PLEKHA3: variants seen among roughly 807,000 people sequenced by gnomAD.
PLEKHA3 encodes pleckstrin homology domain containing A3, also known as pleckstrin homology domain-containing family A member 3.
PLEKHA3 carries 19 observed loss-of-function variants against 39.2 expected under a neutral mutation model. That is an observed-to-expected ratio of 0.48 (90% CI 0.34 to 0.71). The LOEUF (loss-of-function observed/expected upper bound fraction) is 0.71, where lower values mean the gene tolerates loss of function less well. Among genes scored for constraint, PLEKHA3 ranks in the 30% least tolerant of loss-of-function variants. The probability of loss-of-function intolerance (pLI) is 0.01; values close to 1 mark genes in which losing one functional copy is unlikely to be tolerated. For missense variants in PLEKHA3, 253 were observed against 359.5 expected, an observed-to-expected ratio of 0.70 and a Z score of 2.40; for synonymous variants, 97 against 118.6, an observed-to-expected ratio of 0.82 and a Z score of 1.18.
Position 178,499,236 on chromosome 2 carries a change from G to T in PLEKHA3, c.641G>T (p.Gly214Val). 2 of 1,610,316 alleles carry T rather than the reference G, an allele frequency of 1.2e-6. No individual in the cohort carries two copies. Among genetic ancestry groups the T allele is most frequent in the Non-Finnish European group, 1.7e-6 (2 of 1,178,500 alleles). The change falls in exon 6 of 8, where the codon GGT (glycine) becomes GTT (valine). Residue 214 changes from glycine (G) to valine (V), a missense_variant. By Grantham distance (109) the Gly-to-Val change is moderately radical (BLOSUM62 -3). This residue lies in a region of PLEKHA3 where 127 missense variants were observed against 136.8 expected (regional missense o/e 0.93). Transcript: ENST00000234453. ...ATGAAGCGTTCTGTCAGCCACCCTG[G>T]TTCTTGCAGTTCAGAGAGGTAAAAG... Reference protein sequence around the residue: ...QMMKRSVSHPGSCSSERSSHS... With the variant: ...QMMKRSVSHPVSCSSERSSHS...
intron 3 of PLEKHA3, among the ~76,000 whole-genome samples, chr2:178,492,305 T>G (rs1685360129): frequency 6.6e-6 from 1 of 151,918 alleles, no homozygotes; most frequent in Non-Finnish European, 1.5e-5. Flanking sequence ...GGAATGAATA[T>G]TCACAATAGC....
Position 178,501,154 on chromosome 2 carries a change from T to C in PLEKHA3, c.753T>C (p.Asp251=), listed in dbSNP as rs1391969550. ...RTYSDTDSCS[D]IPLEDPDRPV... ...ACTCAGATACAGATTCTTGTAGTGA[T>C]ATTCCTCTTGAAGACCCAGATAGTA... The change falls in exon 7 of 8, where the codon GAT becomes GAC. Residue 251 remains aspartate, a synonymous_variant. Transcript: ENST00000234453. 2 of 1,612,638 alleles carry C rather than the reference T, an allele frequency of 1.2e-6. No homozygotes were observed. The highest frequency in any genetic ancestry group is 3.3e-5 in the Admixed American group (2 of 59,892).
rs975086708 is a variant in PLEKHA3, at chr2:178,508,150, A to T, written c.*4263A>T. 1.3e-5 allele frequency: 2 copies of T among 150,560 alleles called. No individual in the cohort carries two copies. The highest frequency in any genetic ancestry group is 3.9e-4 in the East Asian group (2 of 5,100). The allele number at this position is 150,560 out of a possible 1,614,324, so 9.3% of individuals were successfully genotyped here. A position where few individuals can be genotyped will look rare whatever the true frequency, so the allele number is the denominator to read the frequency against. ...GTTCTATCTTTCTAGAATTTCTGTTATTTGAATGTTGGACCTCCCAGAGTT... is the reference window on the plus strand; with the variant it reads ...GTTCTATCTTTCTAGAATTTCTGTTTTTTGAATGTTGGACCTCCCAGAGTT... On this transcript the variant is annotated 3_prime_UTR_variant, in exon 8 of 8. Transcript: ENST00000234453.
rs1423377137 is a variant in PLEKHA3, at chr2:178,504,622, G to A, written c.*735G>A. 2 of 152,166 alleles carry A rather than the reference G, an allele frequency of 1.3e-5. No individual in the cohort carries two copies. Among genetic ancestry groups the A allele is most frequent in the African/African-American group, 4.8e-5 (2 of 41,422 alleles). 9.4% of individuals were successfully genotyped at this position (152,166 alleles called of 1,614,324 possible). ...ATACGTTGTTCTTTACGTTGTTCTAGAAAAGAGATTTTAATGCTGTAGTGA... is the reference window on the plus strand; with the variant it reads ...ATACGTTGTTCTTTACGTTGTTCTAAAAAAGAGATTTTAATGCTGTAGTGA... On this transcript the variant is annotated 3_prime_UTR_variant, in exon 8 of 8. Transcript: ENST00000234453.
rs1435383684 is a variant in PLEKHA3, at chr2:178,513,919, C to T, written c.*10032C>T. ...ATATCTTTTCAGTATTAGAACATTT[C>T]TGTTTATGCCCTATTCCAGTGGTAT... On this transcript the variant is annotated 3_prime_UTR_variant, in exon 8 of 8. Transcript: ENST00000234453. The T allele has an allele frequency of 6.6e-6, 1 of 152,052 alleles. No homozygotes were observed. Among genetic ancestry groups the T allele is most frequent in the Non-Finnish European group, 1.5e-5 (1 of 68,000 alleles). The allele number at this position is 152,052 out of a possible 1,614,324, so 9.4% of individuals were successfully genotyped here.
intron 1 of PLEKHA3, among the ~76,000 whole-genome samples, chr2:178,484,214 C>T (rs1414027909): frequency 6.6e-6 from 1 of 152,140 alleles, no homozygotes; most frequent in Non-Finnish European, 1.5e-5. Flanking sequence ...ATTCTAGTTG[C>T]TGGGAATGCA....
rs1685747126 is a variant in PLEKHA3, at chr2:178,515,384, A to G, written c.*11497A>G. ...GAGCTTTCCAATGTTGTCTATAATTAGCCAAAAAAAGACATATGAACTTTT... is the reference window on the plus strand; with the variant it reads ...GAGCTTTCCAATGTTGTCTATAATTGGCCAAAAAAAGACATATGAACTTTT... On this transcript the variant is annotated 3_prime_UTR_variant, in exon 8 of 8. Transcript: ENST00000234453. 6.6e-6 allele frequency: 1 copy of G among 152,142 alleles called. No homozygotes were observed. Among genetic ancestry groups the G allele is most frequent in the South Asian group, 2.1e-4 (1 of 4,828 alleles). 9.4% of individuals were successfully genotyped at this position (152,142 alleles called of 1,614,324 possible). A position where few individuals can be genotyped will look rare whatever the true frequency, so the allele number is the denominator to read the frequency against.
intron 3 of PLEKHA3, among the ~76,000 whole-genome samples, chr2:178,491,948 C>T (rs1163123546): frequency 6.6e-6 from 1 of 152,040 alleles, no homozygotes; most frequent in East Asian, 1.9e-4. Context: ...CTAATCTAGT[C>T]CCAAGAGGTT....
intron 2 of PLEKHA3, among the ~76,000 whole-genome samples, chr2:178,489,440 T>C (rs1161823898): frequency 1.3e-5 from 2 of 149,222 alleles, no homozygotes; most frequent in African/African-American, 5.0e-5. Context: ...TTGTTTTCTT[T>C]TCTTTTCCTT....
At chr2:178,499,957 C>T (rs895579676) in intron 6 of PLEKHA3, among the ~76,000 whole-genome samples, 3 of 152,114 alleles carry the variant, frequency 2.0e-5, no homozygotes, top group African/African-American at 7.2e-5. Flanking sequence ...ATAGCATCAT[C>T]TATTCATGCT....
At chr2:178,499,953 T>C (rs1163081785) in intron 6 of PLEKHA3, among the ~76,000 whole-genome samples, 1 of 152,132 alleles carries the variant, frequency 6.6e-6, no homozygotes, top group Non-Finnish European at 1.5e-5. Context: ...GTTTATAGCA[T>C]CATCTATTCA....
intron 5 of PLEKHA3, among the ~76,000 whole-genome samples, chr2:178,497,758 G>A (rs538417383): frequency 1.3e-5 from 2 of 152,120 alleles, no homozygotes; most frequent in East Asian, 1.9e-4. Context: ...ACTTTTTAGA[G>A]TCAAATGCAG....
chr2:178,496,572 G>A (rs984406729), intron 5 of PLEKHA3, among the ~76,000 whole-genome samples: 2 of 152,170 alleles, frequency 1.3e-5, no homozygotes, highest in African/African-American at 2.4e-5. Context: ...TTTCTAATCA[G>A]TATTTGATGG....
chr2:178,497,692 A>G (rs148296797), intron 5 of PLEKHA3, among the ~76,000 whole-genome samples: 169 of 152,280 alleles, frequency 1.1e-3, no homozygotes, highest in African/African-American at 3.6e-3. Context: ...ATGGATGTGT[A>G]GTGCTGTGTT....
At position 178,485,709 on chromosome 2, in the gene PLEKHA3, T is replaced by TGCAAAGGGA. The variant is rs1175359726; in HGVS notation, c.117_125dup (p.Lys41_Ser43dup). 1 of 1,613,838 alleles carries TGCAAAGGGA rather than the reference T, an allele frequency of 6.2e-7. No individual in the cohort carries two copies. The highest frequency in any genetic ancestry group is 8.5e-7 in the Non-Finnish European group (1 of 1,179,914). ...CTACTATGATTCACAAGATGATGTT[T>TGCAAAGGGA]GCAAAGGGAGCAAAGGAAGCATAAA... On this transcript the variant is annotated inframe_insertion, in exon 2 of 8. Transcript: ENST00000234453.
chr2:178,505,059 CATCAT>C lies in PLEKHA3; in HGVS notation c.*1175_*1179del, dbSNP rs1656128222. ...AATGCGTGGTTTTTGCATTCAAACA[CATCAT>C]ATAATACATTGTATTTTTTACATTC... is the stretch of plus-strand genomic sequence containing the variant. On this transcript the variant is annotated 3_prime_UTR_variant, in exon 8 of 8. Coordinates refer to ENST00000234453, the MANE Select transcript of PLEKHA3 (RefSeq NM_019091.4). 6.6e-6 allele frequency: 1 copy of C among 152,294 alleles called. No individual in the cohort carries two copies. The highest frequency in any genetic ancestry group is 1.5e-5 in the Non-Finnish European group (1 of 67,814). The allele number at this position is 152,294 out of a possible 1,614,324, so 9.4% of individuals were successfully genotyped here.
rs1445425452 is a variant in PLEKHA3 at position 178,485,674 on chromosome 2, G to C, written c.74G>C (p.Gly25Ala). The change falls in exon 2 of 8, where the codon GGA (glycine) becomes GCA (alanine). Residue 25 changes from glycine (G) to alanine (A), a missense_variant. Around this residue, in one of 2 missense-constraint regions of PLEKHA3, gnomAD observed 126 missense variants for 222.7 expected, o/e 0.57. Coordinates refer to ENST00000234453, the MANE Select transcript of PLEKHA3 (RefSeq NM_019091.4). ...WQPRWFVLDNGILSYYDSQDD... is the reference protein window; with the variant it reads ...WQPRWFVLDNAILSYYDSQDD... ...CCTCGTTGGTTTGTTTTAGATAATG[G>C]AATCTTATCCTACTATGATTCACAA... The C allele has an allele frequency of 6.2e-7, 1 of 1,613,642 alleles. No homozygotes were observed. The highest frequency in any genetic ancestry group is 1.7e-5 in the Admixed American group (1 of 60,014).
rs570081950 is a variant in PLEKHA3, at chr2:178,485,610, A to G, written c.41-31A>G. 7.9e-6 allele frequency: 11 copies of G among 1,392,704 alleles called. No homozygotes were observed. In the South Asian group the frequency reaches 1.2e-4, roughly 15 times the overall value. 86.3% of individuals were successfully genotyped at this position (1,392,704 alleles called of 1,614,324 possible). On this transcript the variant is annotated intron_variant, in intron 1 of 7. Coordinates refer to ENST00000234453, the MANE Select transcript of PLEKHA3 (RefSeq NM_019091.4). ...ATGTGGTGAAAGTAATGTGTTTCCA[A>G]TTGACCTTTTGTTATTTATGGTCTT...
Position 178,485,629 on chromosome 2 carries a change from TG to T in PLEKHA3, c.41-10del. ...TTTCCAATTGACCTTTTGTTATTTA[TG>T]GTCTTTTTAGGCTGGCAGCCTCGTT... On this transcript the variant is annotated splice_polypyrimidine_tract_variant and intron_variant, in intron 1 of 7. Coordinates refer to ENST00000234453, the MANE Select transcript of PLEKHA3 (RefSeq NM_019091.4). 6.4e-7 allele frequency: 1 copy of T among 1,552,558 alleles called. No homozygotes were observed. The highest frequency in any genetic ancestry group is 1.9e-4 in the Middle Eastern group (1 of 5,154).
Sources: gnomAD v4.1 joint callset for allele counts (sites outside exome capture counted in the v4.1 genomes callset) on GRCh38, gnomAD v4.1.1 for gene constraint, gnomAD v4.1.1 regional missense constraint, MANE v1.5 for transcripts, NCBI Gene and HGNC (gene_info 2026-07-23, HGNC 2026-07-21) for gene names.